The following PCDHA11 variants were observed in gnomAD, a reference collection of about 807,000 sequenced individuals.
PCDHA11 encodes protocadherin alpha 11, also known as protocadherin alpha-11.
A neutral mutation model predicts 70.3 loss-of-function variants in PCDHA11; 61 were observed. That is an observed-to-expected ratio of 0.87 (90% CI 0.71 to 1.07). The LOEUF (loss-of-function observed/expected upper bound fraction) is 1.07. PCDHA11 is among the 50% of genes least tolerant of loss of function. PCDHA11 has a pLI of 0.00. For synonymous variants in PCDHA11, 633 were observed against 555.1 expected (o/e 1.14, Z -1.97); for missense variants, 1,324 against 1,237.5 (o/e 1.07, Z -1.05).
At chr5:140,904,113 G>C (rs1051705657) in intron 1 of PCDHA11, among the ~76,000 whole-genome samples, 4 of 152,248 alleles carry the variant, frequency 2.6e-5, no homozygotes, top group African/African-American at 9.6e-5. Context: ...TCATTGCTGA[G>C]ATTTTGGTGC....
In PCDHA11 at chr5:140,871,470, G is replaced by A. The variant is rs782433204; in HGVS notation, c.2367G>A (p.Glu789=). ...AAGAGGAGGAAGGGGAAAGACAGGAGCCAGGGTCAAATCACCCCGGACAGG... is the reference window on the plus strand; with the variant it reads ...AAGAGGAGGAAGGGGAAAGACAGGAACCAGGGTCAAATCACCCCGGACAGG... The part of the protein sequence containing the change: ...LNKEEEGERQ[E]PGSNHPGQPR... Residue 789 remains glutamate (E), a synonymous_variant, in exon 1 of 4, where the codon GAG becomes GAA. Coordinates refer to ENST00000398640, the MANE Select transcript of PCDHA11 (RefSeq NM_018902.5). The A allele has an allele frequency of 3.1e-6, 5 of 1,601,030 alleles. No individual in the cohort carries two copies. In the South Asian group the frequency reaches 4.5e-5, roughly 14 times the overall value.
chr5:140,891,744 A>G (rs2063231419), intron 1 of PCDHA11, among the ~76,000 whole-genome samples: 1 of 152,070 alleles, frequency 6.6e-6, no homozygotes, highest in South Asian at 2.1e-4. Context: ...AATCCCTTAT[A>G]CAACAGTGTT....
rs1382247797 is a variant in PCDHA11 at position 141,012,282 on chromosome 5, C to T, written c.*2345C>T. 2.6e-5 allele frequency: 4 copies of T among 153,718 alleles called. No individual in the cohort carries two copies. Among genetic ancestry groups the T allele is most frequent in the Non-Finnish European group, 4.4e-5 (3 of 68,036 alleles). 9.5% of individuals were successfully genotyped at this position (153,718 alleles called of 1,614,324 possible). Reference sequence around the variant, plus strand: ...AAGGATAAAACACGTCATGTGGATTCATTTTGAATTGGTGCTATTGGTATT... The same window carrying T: ...AAGGATAAAACACGTCATGTGGATTTATTTTGAATTGGTGCTATTGGTATT... On this transcript the variant is annotated 3_prime_UTR_variant, in exon 4 of 4. Coordinates refer to ENST00000398640, the MANE Select transcript of PCDHA11 (RefSeq NM_018902.5).
chr5:141,009,539 C>G lies in PCDHA11; in HGVS notation c.2540-88C>G, dbSNP rs141154047. 10,440 of 1,522,742 alleles carry G rather than the reference C, an allele frequency of 6.9e-3. 51 individuals are homozygous for G. Among genetic ancestry groups the G allele is most frequent in the Admixed American group, 0.011 (516 of 46,760 alleles). 94.3% of individuals were successfully genotyped at this position (1,522,742 alleles called of 1,614,324 possible). A position where few individuals can be genotyped will look rare whatever the true frequency, so the allele number is the denominator to read the frequency against. ...ATTTTTCTGGGGAGGTTCAGCCTGC[C>G]TATGCAGTACTCCTGTACTCTACCA... On this transcript the variant is annotated intron_variant, in intron 3 of 3. Transcript: ENST00000398640.
intron 1 of PCDHA11, among the ~76,000 whole-genome samples, chr5:140,954,779 G>T (rs2095086497): frequency 6.6e-6 from 1 of 152,108 alleles, no homozygotes; most frequent in Non-Finnish European, 1.5e-5. Flanking sequence ...AATTTAATTA[G>T]ATCTCATTTG....
At chr5:140,915,290 C>G (rs1583944127) in intron 1 of PCDHA11, among the ~76,000 whole-genome samples, 1 of 152,254 alleles carries the variant, frequency 6.6e-6, no homozygotes, top group African/African-American at 2.4e-5. Flanking sequence ...ACTCTTTCTA[C>G]TTAAGATAAG....
intron 1 of PCDHA11, among the ~76,000 whole-genome samples, chr5:140,888,287 C>A (rs1371852276): frequency 6.6e-6 from 1 of 152,072 alleles, no homozygotes; most frequent in Non-Finnish European, 1.5e-5. Context: ...CCCCTCTACC[C>A]CCTACCCAGG....
At chr5:140,882,344 A>T in intron 1 of PCDHA11, 2 of 1,614,084 alleles carry the variant, frequency 1.2e-6, no homozygotes, top group Admixed American at 3.3e-5. Flanking sequence ...AGCCTGGGAG[A>T]CGGGTAGTGG....
chr5:140,870,005 T>A lies in PCDHA11; in HGVS notation c.902T>A (p.Val301Glu), dbSNP rs1006397532. 1 of 1,612,940 alleles carries A rather than the reference T, an allele frequency of 6.2e-7. No individual in the cohort carries two copies. The highest frequency in any genetic ancestry group is 1.7e-5 in the Admixed American group (1 of 59,888). The stretch of plus-strand genomic sequence containing the variant: ...ACACTAGATCAAAATAATGGAGAAG[T>A]GAGGGTCAATGGAACTTTAGATTAT... ...LFTLDQNNGE[V>E]RVNGTLDYEE... Residue 301 changes from valine to glutamate, a missense_variant, in exon 1 of 4, where the codon GTG becomes GAG. Val to Glu is a moderately radical substitution (Grantham distance 121). Coordinates refer to ENST00000398640, the MANE Select transcript of PCDHA11 (RefSeq NM_018902.5).
intron 1 of PCDHA11, among the ~76,000 whole-genome samples, chr5:140,901,030 C>G (rs1382384435): frequency 6.6e-6 from 1 of 152,116 alleles, no homozygotes; most frequent in Admixed American, 6.5e-5. Context: ...CTATTCAACT[C>G]TTTTGCCCAT....
rs10569930 is a variant in PCDHA11, at chr5:140,925,641, TATAATAATAATA to T, written c.2392-53282_2392-53271del. On this transcript the variant is annotated intron_variant, in intron 1 of 3. Coordinates refer to ENST00000398640, the MANE Select transcript of PCDHA11 (RefSeq NM_018902.5). ...TGCACATGTACCCTAGAACTTAAAG[TATAATAATAATA>T]ATAATAATAATAATAATAATAATAA... Among the ~76,000 whole-genome samples the T allele has an allele frequency of 2.0e-4, 29 of 143,352 alleles. 1 individual carries two copies. Among genetic ancestry groups the T allele is most frequent in the Admixed American group, 7.0e-4 (10 of 14,330 alleles). 94.0% of individuals were successfully genotyped at this position (143,352 alleles called of 152,430 possible). A position where few individuals can be genotyped will look rare whatever the true frequency, so the allele number is the denominator to read the frequency against.
At chr5:140,882,414 C>T in intron 1 of PCDHA11, 2 of 1,614,148 alleles carry the variant, frequency 1.2e-6, no homozygotes, top group Non-Finnish European at 8.5e-7. Flanking sequence ...GGCCGCATCG[C>T]TCAGGACCTG....
Position 140,972,800 on chromosome 5 carries a change from A to G in PCDHA11, c.2392-6149A>G, listed in dbSNP as rs937312575. ...TGCCTCAGCCTCCTGAGTAGCTGAGATTACAGGCACGCGCCACCACGCCTG... is the reference window on the plus strand; with the variant it reads ...TGCCTCAGCCTCCTGAGTAGCTGAGGTTACAGGCACGCGCCACCACGCCTG... On this transcript the variant is annotated intron_variant, in intron 1 of 3. Transcript: ENST00000398640. Among the ~76,000 whole-genome samples, 8 of 151,520 alleles carry G rather than the reference A, an allele frequency of 5.3e-5. No individual in the cohort carries two copies. In the South Asian group the frequency reaches 6.3e-4, roughly 12 times the overall value.
chr5:140,879,539 A>G (rs1554170849), intron 1 of PCDHA11, among the ~76,000 whole-genome samples: 1 of 152,238 alleles, frequency 6.6e-6, no homozygotes, highest in Non-Finnish European at 1.5e-5. Flanking sequence ...CAACTCCTTT[A>G]GAGAAAAAAA....
intron 3 of PCDHA11, among the ~76,000 whole-genome samples, chr5:140,989,765 C>G (rs2097359812): frequency 6.6e-6 from 1 of 152,286 alleles, no homozygotes. Context: ...ATATTCAGTT[C>G]AAGCACTGGC....
chr5:140,994,190 C>G (rs1377695035), intron 3 of PCDHA11, among the ~76,000 whole-genome samples: 1 of 152,136 alleles, frequency 6.6e-6, no homozygotes, highest in Non-Finnish European at 1.5e-5. Context: ...ACCACCAGGG[C>G]CTGTTGGTCC....
At chr5:140,944,188 T>A (rs184996) in intron 1 of PCDHA11, among the ~76,000 whole-genome samples, 85,693 of 151,800 alleles carry the variant, frequency 0.56, 24,784 homozygotes, top group African/African-American at 0.69. Context: ...GTTGGTTTGT[T>A]TTGTTTTGTT....
At chr5:140,959,443 G>C (rs1472511414) in intron 1 of PCDHA11, among the ~76,000 whole-genome samples, 1 of 151,580 alleles carries the variant, frequency 6.6e-6, no homozygotes, top group Non-Finnish European at 1.5e-5. Context: ...TTTCTATTTT[G>C]TGCTGAAAAG....
rs181377286 is a variant in PCDHA11 at position 140,886,682 on chromosome 5, G to C, written c.2391+15188G>C. Among the ~76,000 whole-genome samples, 463 of 151,736 alleles carry C rather than the reference G, an allele frequency of 3.1e-3. 3 individuals carry two copies. Among genetic ancestry groups the C allele is most frequent in the Middle Eastern group, 0.014 (4 of 294 alleles). The stretch of plus-strand genomic sequence containing the variant: ...CTCTACTAAAAATACAAAAATTAGC[G>C]AGGCATGGTGGCACGCGCCTGTAAT... On this transcript the variant is annotated intron_variant, in intron 1 of 3. Coordinates refer to ENST00000398640, the MANE Select transcript of PCDHA11 (RefSeq NM_018902.5).
Sources: gnomAD v4.1 joint callset for allele counts (sites outside exome capture counted in the v4.1 genomes callset) on GRCh38, gnomAD v4.1.1 for gene constraint, MANE v1.5 for transcripts, NCBI Gene and HGNC (gene_info 2026-07-23, HGNC 2026-07-21) for gene names.